The following KCNMB2 variants were observed in gnomAD, a reference collection of about 807,000 sequenced individuals.
KCNMB2 encodes calcium-activated potassium channel subunit beta-2.
KCNMB2 carries 9 observed loss-of-function variants against 24.5 expected under a neutral mutation model. That is an observed-to-expected ratio of 0.37 (90% CI 0.22 to 0.64). The LOEUF is 0.64. KCNMB2 is among the 30% of genes least tolerant of loss of function. The pLI is 0.63. For missense variants in KCNMB2, 226 were observed against 284.3 expected (o/e 0.79, Z 1.47); for synonymous variants, 109 against 104.4 (o/e 1.04, Z -0.27).
Position 178,843,084 on chromosome 3 carries a change from T to C in KCNMB2, c.*147T>C, listed in dbSNP as rs571660525. On this transcript the variant is annotated 3_prime_UTR_variant, in exon 5 of 5. Coordinates refer to ENST00000452583, the MANE Select transcript of KCNMB2 (RefSeq NM_181361.3). ...TGTAGAGCAATAATGCAAAAGCTGT[T>C]CTATATGCAAACATGATGTCTTTAT... 9.5e-5 allele frequency: 66 copies of C among 693,348 alleles called. No individual in the cohort carries two copies. In the Admixed American group the frequency reaches 1.5e-3, roughly 15 times the overall value. 42.9% of individuals were successfully genotyped at this position (693,348 alleles called of 1,614,324 possible).
At chr3:178,802,686 T>C (rs544678548) in intron 1 of KCNMB2, among the ~76,000 whole-genome samples, 58 of 152,296 alleles carry the variant, frequency 3.8e-4, no homozygotes, top group African/African-American at 1.4e-3. Context: ...TGGAGTGAGA[T>C]CCAGGCACCA....
intron 1 of KCNMB2, among the ~76,000 whole-genome samples, chr3:178,551,540 A>G (rs1036490071): frequency 6.6e-6 from 1 of 152,192 alleles, no homozygotes; most frequent in African/African-American, 2.4e-5. Flanking sequence ...ATTTGGAGGG[A>G]AAATCCTTGG....
At chr3:178,765,805 T>A (rs1324572984) in intron 1 of KCNMB2, among the ~76,000 whole-genome samples, 4 of 152,194 alleles carry the variant, frequency 2.6e-5, no homozygotes, top group Non-Finnish European at 5.9e-5. Flanking sequence ...TCCTAGACCA[T>A]CTTCCTGTTC....
chr3:178,842,702 T>C lies in KCNMB2; in HGVS notation c.473T>C (p.Leu158Pro), dbSNP rs1318603972. The change falls in exon 5 of 5, where the codon CTG (leucine) becomes CCG (proline). Residue 158 changes from leucine to proline, a missense_variant. By Grantham distance (98) the Leu-to-Pro change is moderately conservative (BLOSUM62 -3). Transcript: ENST00000452583. ...CGKNFEESMS[L>P]VNVVMENFRK... ...AAAAATTTTGAAGAATCCATGTCCC[T>C]GGTGAATGTTGTCATGGAAAACTTC... is the stretch of plus-strand genomic sequence containing the variant. 4 of 1,612,940 alleles carry C rather than the reference T, an allele frequency of 2.5e-6. No individual in the cohort carries two copies. The African/African-American group carries it at 5.3e-5, about 22-fold the overall frequency.
At chr3:178,552,533 C>G (rs2108456161) in intron 1 of KCNMB2, among the ~76,000 whole-genome samples, 1 of 152,264 alleles carries the variant, frequency 6.6e-6, no homozygotes, top group Admixed American at 6.5e-5. Context: ...TATTTCCTTT[C>G]TGTCTCATTT....
chr3:178,661,703 G>A (rs989812225), intron 1 of KCNMB2, among the ~76,000 whole-genome samples: 5 of 152,096 alleles, frequency 3.3e-5, no homozygotes, highest in Admixed American at 2.6e-4. Flanking sequence ...AGAATTACTT[G>A]GAAGCTTGCC....
intron 1 of KCNMB2, among the ~76,000 whole-genome samples, chr3:178,728,753 G>A (rs1723047847): frequency 6.6e-6 from 1 of 151,924 alleles, no homozygotes; most frequent in African/African-American, 2.4e-5. Flanking sequence ...CTTTTCTATG[G>A]GGATACACTC....
At chr3:178,756,701 G>A (rs1484131473) in intron 1 of KCNMB2, among the ~76,000 whole-genome samples, 1 of 152,014 alleles carries the variant, frequency 6.6e-6, no homozygotes. Flanking sequence ...AGGCACTACT[G>A]ATGCTACTTT....
intron 1 of KCNMB2, among the ~76,000 whole-genome samples, chr3:178,716,721 G>C (rs140774883): frequency 3.6e-4 from 55 of 152,256 alleles, no homozygotes; most frequent in Non-Finnish European, 7.1e-4. Context: ...GGGATTACAG[G>C]CATGATCCCA....
chr3:178,737,120 A>C (rs531319453), intron 1 of KCNMB2, among the ~76,000 whole-genome samples: 5 of 152,128 alleles, frequency 3.3e-5, no homozygotes, highest in Admixed American at 6.5e-5. Flanking sequence ...AAATACAAAA[A>C]TTAGCCAGGC....
intron 1 of KCNMB2, among the ~76,000 whole-genome samples, chr3:178,703,857 C>T (rs1722188232): frequency 6.6e-6 from 1 of 152,126 alleles, no homozygotes; most frequent in South Asian, 2.1e-4. Context: ...AGTAACTTCA[C>T]ACATTTATTA....
chr3:178,757,955 A>ATATC (rs1259875812), intron 1 of KCNMB2, among the ~76,000 whole-genome samples: 129 of 107,966 alleles, frequency 1.2e-3, no homozygotes, highest in African/African-American at 2.2e-3. Context: ...ATATATAGAC[A>ATATC]CAAGAGGATA....
At chr3:178,821,000 A>G (rs1038679210) in intron 2 of KCNMB2, among the ~76,000 whole-genome samples, 4 of 150,668 alleles carry the variant, frequency 2.7e-5, no homozygotes, top group African/African-American at 9.9e-5. Flanking sequence ...ATCAGCTTCA[A>G]ACTTATAAAG....
At chr3:178,644,958 C>T (rs1719864820) in intron 1 of KCNMB2, among the ~76,000 whole-genome samples, 1 of 151,960 alleles carries the variant, frequency 6.6e-6, no homozygotes, top group African/African-American at 2.4e-5. Flanking sequence ...TTTCAAGGTC[C>T]TTAGCACCTA....
At chr3:178,811,593 C>T (rs1359236698) in intron 2 of KCNMB2, among the ~76,000 whole-genome samples, 1 of 152,186 alleles carries the variant, frequency 6.6e-6, no homozygotes, top group Non-Finnish European at 1.5e-5. Context: ...GAACATACTA[C>T]CATTTATTCA....
chr3:178,770,578 A>G (rs1046457549), intron 1 of KCNMB2, among the ~76,000 whole-genome samples: 2 of 152,224 alleles, frequency 1.3e-5, no homozygotes, highest in African/African-American at 4.8e-5. Flanking sequence ...CAAACTGACC[A>G]TTATTTTTAC....
intron 2 of KCNMB2, among the ~76,000 whole-genome samples, chr3:178,824,359 CTT>C (rs1361085101): frequency 6.6e-6 from 1 of 152,012 alleles, no homozygotes; most frequent in Non-Finnish European, 1.5e-5. Context: ...TTACTAATCT[CTT>C]GTCACTCATT....
intron 2 of KCNMB2, among the ~76,000 whole-genome samples, chr3:178,817,228 A>ATATATATAT (rs1553781212): frequency 2.0e-5 from 2 of 102,412 alleles, no homozygotes; most frequent in African/African-American, 1.1e-4. Flanking sequence ...TATATATATA[A>ATATATATAT]ATGAAGTGTG....
At position 178,767,108 on chromosome 3, in the gene KCNMB2, AAAAC is replaced by A. The variant is rs557788149; in HGVS notation, c.-67-40228_-67-40225del. On this transcript the variant is annotated intron_variant, in intron 1 of 4. Coordinates refer to ENST00000452583, the MANE Select transcript of KCNMB2 (RefSeq NM_181361.3). ...CCTACAATGCACCGAACAATCCCCC[AAAAC>A]AAACAATTATCTGGTTCAAAATGTG... 2.6e-5 allele frequency among the ~76,000 whole-genome samples: 4 copies of A among 152,366 alleles called. No homozygotes were observed. In the East Asian group the frequency reaches 7.7e-4, roughly 29 times the overall value.
Sources: gnomAD v4.1 joint callset for allele counts (sites outside exome capture counted in the v4.1 genomes callset) on GRCh38, gnomAD v4.1.1 for gene constraint, MANE v1.5 for transcripts, NCBI Gene and HGNC (gene_info 2026-07-23, HGNC 2026-07-21) for gene names.